Variants in CSDC2 observed in about 807,000 individuals in gnomAD.
The protein encoded by CSDC2 is cold shock domain containing C2.
In CSDC2, 8 loss-of-function variants were observed where a neutral mutation model predicts 15.8. That is an observed-to-expected ratio of 0.51 (90% CI 0.30 to 0.92). CSDC2 has a LOEUF of 0.92. Ranked by LOEUF, CSDC2 falls within the 40% of genes least tolerant of loss-of-function variation. The pLI is 0.07. For synonymous variants in CSDC2, 96 were observed against 92.3 expected, an observed-to-expected ratio of 1.04 and a Z score of -0.23; for missense variants, 195 against 213.3, an observed-to-expected ratio of 0.91 and a Z score of 0.53.
Position 41,575,049 on chromosome 22 carries a change from G to T in CSDC2, c.*154G>T. The T allele has an allele frequency of 1.1e-6, 1 of 943,316 alleles. No homozygotes were observed. The highest frequency in any genetic ancestry group is 1.6e-6 in the Non-Finnish European group (1 of 644,194). The allele number at this position is 943,316 out of a possible 1,614,324, so 58.4% of individuals were successfully genotyped here. A position where few individuals can be genotyped will look rare whatever the true frequency, so the allele number is the denominator to read the frequency against. The stretch of plus-strand genomic sequence containing the variant: ...TGTCCGTCTGTGCTTGTGGCTATGA[G>T]CGTGTGCCTCCACCCACCCCACGAC... On this transcript the variant is annotated 3_prime_UTR_variant, in exon 4 of 4. Transcript: ENST00000306149.
In CSDC2 at chr22:41,575,326, C is replaced by T. The variant is rs1474027804; in HGVS notation, c.*431C>T. On this transcript the variant is annotated 3_prime_UTR_variant, in exon 4 of 4. Transcript: ENST00000306149. ...GCCAGGCTCTCTGTGCTACTTACATCTCCCTCCCTTGGCTGAGGTCCCCCG... is the reference window on the plus strand; with the variant it reads ...GCCAGGCTCTCTGTGCTACTTACATTTCCCTCCCTTGGCTGAGGTCCCCCG... The T allele has an allele frequency of 1.1e-5, 2 of 177,306 alleles. No individual in the cohort carries two copies. The highest frequency in any genetic ancestry group is 2.4e-5 in the Non-Finnish European group (2 of 84,686). 11.0% of individuals were successfully genotyped at this position (177,306 alleles called of 1,614,324 possible).
Position 41,573,712 on chromosome 22 carries a change from C to T in CSDC2, c.234C>T (p.Arg78=), listed in dbSNP as rs1000840666. 6.2e-7 allele frequency: 1 copy of T among 1,613,932 alleles called. No individual in the cohort carries two copies. The highest frequency in any genetic ancestry group is 8.5e-7 in the Non-Finnish European group (1 of 1,179,956). Residue 78 remains arginine, a synonymous_variant, in exon 3 of 4, where the codon CGC becomes CGT. Coordinates refer to ENST00000306149, the MANE Select transcript of CSDC2 (RefSeq NM_014460.4). ...VFKGVCKQFS[R]SQGHGFITPE... ...AGGGCGTCTGTAAGCAGTTCTCACG[C>T]TCACAGGGCCATGGCTTCATCACCC...
chr22:41,567,878 G>A (rs926717837), intron 1 of CSDC2, among the ~76,000 whole-genome samples: 2 of 152,212 alleles, frequency 1.3e-5, no homozygotes, highest in Non-Finnish European at 2.9e-5. Context: ...AGAGACTGTG[G>A]AGCTTTGAGG....
intron 1 of CSDC2, among the ~76,000 whole-genome samples, chr22:41,566,092 G>A (rs1159730389): frequency 6.8e-6 from 1 of 146,614 alleles, no homozygotes; most frequent in African/African-American, 2.5e-5. Context: ...ATCACCTGCA[G>A]TCAGGAGTTC....
chr22:41,567,896 G>A (rs559896748), intron 1 of CSDC2, among the ~76,000 whole-genome samples: 20 of 152,312 alleles, frequency 1.3e-4, no homozygotes, highest in Admixed American at 7.8e-4. Flanking sequence ...AGGGGTGGGC[G>A]ATCCTTAGGG....
At chr22:41,570,883 T>C in intron 1 of CSDC2, among the ~76,000 whole-genome samples, 1 of 146,898 alleles carries the variant, frequency 6.8e-6, no homozygotes, top group Non-Finnish European at 1.5e-5. Flanking sequence ...TCCAGCTACT[T>C]GGGAGGCTGA....
intron 1 of CSDC2, among the ~76,000 whole-genome samples, chr22:41,569,507 G>A (rs1297793071): frequency 6.6e-6 from 1 of 152,138 alleles, no homozygotes; most frequent in South Asian, 2.1e-4. Context: ...ATGGAATCAT[G>A]CCCTCTGTGT....
intron 3 of CSDC2, 56 bp downstream of exon 3, chr22:41,573,833 C>T: frequency 4.5e-6 from 7 of 1,564,686 alleles, no homozygotes; most frequent in Non-Finnish European, 5.2e-6. Context: ...CCCAATGGTG[C>T]CTCAAAAATG....
rs2067169036 is a variant in CSDC2 at position 41,575,200 on chromosome 22, C to T, written c.*305C>T. 2 of 446,524 alleles carry T rather than the reference C, an allele frequency of 4.5e-6. No homozygotes were observed. The highest frequency in any genetic ancestry group is 4.1e-6 in the Non-Finnish European group (1 of 244,586). 27.7% of individuals were successfully genotyped at this position (446,524 alleles called of 1,614,324 possible). ...AGACACGCAGGACCCGCTCGCCCTC[C>T]TGCTTACCCGTCCCCACGGTGACTG... is the stretch of plus-strand genomic sequence containing the variant. On this transcript the variant is annotated 3_prime_UTR_variant, in exon 4 of 4. Coordinates refer to ENST00000306149, the MANE Select transcript of CSDC2 (RefSeq NM_014460.4).
intron 1 of CSDC2, among the ~76,000 whole-genome samples, chr22:41,564,102 AG>A (rs1425362359): frequency 0.014 from 2,044 of 149,308 alleles, 31 homozygotes; most frequent in African/African-American, 0.046. Context: ...AAAAAAAAAA[AG>A]AAGAAGAAGA....
In CSDC2 at chr22:41,572,129, G is replaced by C. The variant is rs762132125; in HGVS notation, c.164G>C (p.Arg55Thr). 1 of 1,329,308 alleles carries C rather than the reference G, an allele frequency of 7.5e-7. No individual in the cohort carries two copies. Among genetic ancestry groups the C allele is most frequent in the Non-Finnish European group, 9.7e-7 (1 of 1,033,488 alleles). 82.3% of individuals were successfully genotyped at this position (1,329,308 alleles called of 1,614,324 possible). Residue 55 changes from arginine to threonine, a missense_variant, in exon 2 of 4, where the codon AGG (arginine) becomes ACG (threonine). Coordinates refer to ENST00000306149, the MANE Select transcript of CSDC2 (RefSeq NM_014460.4). ...LPSPLPTKRT[R>T]TYSATARASA... ...AGCCCTCTGCCCACCAAGCGGACCAGGACCTATTCAGCGTGAGTACCTGCC... is the reference window on the plus strand; with the variant it reads ...AGCCCTCTGCCCACCAAGCGGACCACGACCTATTCAGCGTGAGTACCTGCC...
intron 1 of CSDC2, among the ~76,000 whole-genome samples, chr22:41,568,274 A>C (rs1045396854): frequency 3.3e-5 from 5 of 150,450 alleles, no homozygotes; most frequent in Non-Finnish European, 7.4e-5. Flanking sequence ...ACAGGCATGC[A>C]CCACTACACC....
At chr22:41,561,390 C>T (rs2067084051) in intron 1 of CSDC2, among the ~76,000 whole-genome samples, 1 of 152,208 alleles carries the variant, frequency 6.6e-6, no homozygotes, top group Non-Finnish European at 1.5e-5. Context: ...CCGTGTGGCT[C>T]CCGTGGGAGC....
chr22:41,575,809 G>A lies in CSDC2; in HGVS notation c.*914G>A, dbSNP rs2067172431. 1.3e-5 allele frequency: 2 copies of A among 152,412 alleles called. No homozygotes were observed. Among genetic ancestry groups the A allele is most frequent in the South Asian group, 2.1e-4 (1 of 4,832 alleles). 9.4% of individuals were successfully genotyped at this position (152,412 alleles called of 1,614,324 possible). A position where few individuals can be genotyped will look rare whatever the true frequency, so the allele number is the denominator to read the frequency against. On this transcript the variant is annotated 3_prime_UTR_variant, in exon 4 of 4. Transcript: ENST00000306149. ...GGAGGGCCCCCAGCCTGGGAGACTG[G>A]CCCTGCGGCCTCCACGTCAAACTCT...
Position 41,571,979 on chromosome 22 carries a change from C to A in CSDC2, c.14C>A (p.Ser5Ter), listed in dbSNP as rs771313687. ...GCTGGCCCCACCATGACTTCAGAGT[C>A]GACGTCACCCCCAGTTGTGCCCCCG... is the stretch of plus-strand genomic sequence containing the variant. MTSE[S>*]TSPPVVPPLH... Residue 5 changes from serine to a stop codon, truncating the protein, a stop_gained, in exon 2 of 4, where the codon TCG becomes TAG. Coordinates refer to ENST00000306149, the MANE Select transcript of CSDC2 (RefSeq NM_014460.4). LOFTEE classifies it high-confidence loss of function. The A allele has an allele frequency of 7.4e-7, 1 of 1,351,382 alleles. No individual in the cohort carries two copies. Among genetic ancestry groups the A allele is most frequent in the Non-Finnish European group, 9.5e-7 (1 of 1,049,124 alleles). 83.7% of individuals were successfully genotyped at this position (1,351,382 alleles called of 1,614,324 possible).
At chr22:41,564,509 C>CT (rs2145595753) in intron 1 of CSDC2, among the ~76,000 whole-genome samples, 1 of 152,192 alleles carries the variant, frequency 6.6e-6, no homozygotes, top group South Asian at 2.1e-4. Context: ...ATCCACCCGC[C>CT]TTAGCCTCCC....
At chr22:41,573,397 T>C (rs987314163) in intron 2 of CSDC2, among the ~76,000 whole-genome samples, 2 of 151,728 alleles carry the variant, frequency 1.3e-5, no homozygotes, top group African/African-American at 2.4e-5. Context: ...GGAGTCTCCC[T>C]ATGTTGTCCA....
intron 1 of CSDC2, among the ~76,000 whole-genome samples, chr22:41,561,883 A>T (rs1217389875): frequency 6.6e-6 from 1 of 152,136 alleles, no homozygotes; most frequent in African/African-American, 2.4e-5. Flanking sequence ...CTATCTTGGG[A>T]TACAGGGACT....
At chr22:41,567,853 G>A (rs1176008749) in intron 1 of CSDC2, among the ~76,000 whole-genome samples, 1 of 152,184 alleles carries the variant, frequency 6.6e-6, no homozygotes, top group Non-Finnish European at 1.5e-5. Context: ...GCAGTTGCAG[G>A]AATTAAATAA....
Sources: gnomAD v4.1 joint callset for allele counts (sites outside exome capture counted in the v4.1 genomes callset) on GRCh38, gnomAD v4.1.1 for gene constraint, MANE v1.5 for transcripts, NCBI Gene and HGNC (gene_info 2026-07-23, HGNC 2026-07-21) for gene names.